NHS: variants seen among roughly 807,000 people sequenced by gnomAD.
NHS encodes actin remodeling regulator NHS.
Under a neutral mutation model 72.5 loss-of-function variants are expected in NHS, and 5 were observed. The ratio of observed to expected loss-of-function variants is 0.07; its 90% CI spans 0.04 to 0.14. The LOEUF (loss-of-function observed/expected upper bound fraction) is 0.14. NHS is among the 10% of genes least tolerant of loss of function. The pLI is 1.00. For missense variants in NHS, 1,072 were observed against 1,355.7 expected (o/e 0.79, Z 3.29); for synonymous variants, 464 against 547.7 (o/e 0.85, Z 2.13).
intron 1 of NHS, among the ~76,000 whole-genome samples, chrX:17,483,210 G>T (rs1199668671): frequency 2.7e-5 from 3 of 112,107 alleles, no homozygotes; most frequent in Admixed American, 1.9e-4. Flanking sequence ...ACATAGGATT[G>T]CAAAGGAAGC....
intron 1 of NHS, among the ~76,000 whole-genome samples, chrX:17,546,872 A>G (rs1470300770): frequency 8.9e-6 from 1 of 112,497 alleles, no homozygotes; most frequent in Non-Finnish European, 1.9e-5. Flanking sequence ...TGGCATGATC[A>G]TTGATTGTTC....
At chrX:17,474,526 G>A (rs2064905945) in intron 1 of NHS, among the ~76,000 whole-genome samples, 1 of 111,785 alleles carries the variant, frequency 8.9e-6, no homozygotes, top group African/African-American at 3.3e-5. Flanking sequence ...AGGAGTGAGG[G>A]AAGCAGGGCT....
intron 1 of NHS, among the ~76,000 whole-genome samples, chrX:17,600,476 T>G (rs1279934790): frequency 1.8e-5 from 2 of 112,193 alleles, no homozygotes; most frequent in African/African-American, 6.5e-5. Context: ...ATACGTTAAT[T>G]TAAGACGACG....
At chrX:17,603,235 A>G (rs147846228) in intron 1 of NHS, among the ~76,000 whole-genome samples, 107 of 112,252 alleles carry the variant, frequency 9.5e-4, no homozygotes, top group African/African-American at 3.2e-3. Context: ...AGCTGCTGTT[A>G]ACATGAGAAA....
intron 1 of NHS, among the ~76,000 whole-genome samples, chrX:17,686,506 C>T (rs1278573782): frequency 8.9e-6 from 1 of 112,157 alleles, no homozygotes; most frequent in East Asian, 2.8e-4. Context: ...AAGGGGTGCT[C>T]AGAAGCCCCT....
At chrX:17,457,818 T>A (rs1208817484) in intron 1 of NHS, among the ~76,000 whole-genome samples, 3 of 111,560 alleles carry the variant, frequency 2.7e-5, no homozygotes, top group Non-Finnish European at 5.6e-5. Context: ...TTATGTTCAT[T>A]GTGGGATCCA....
chrX:17,628,833 T>C (rs2065811193), intron 1 of NHS, among the ~76,000 whole-genome samples: 1 of 113,331 alleles, frequency 8.8e-6, no homozygotes, highest in South Asian at 3.6e-4. Context: ...ATCTATCTTG[T>C]AGAGTTGCTG....
intron 1 of NHS, among the ~76,000 whole-genome samples, chrX:17,504,915 T>G (rs1245869306): frequency 1.8e-5 from 2 of 111,907 alleles, no homozygotes; most frequent in African/African-American, 3.2e-5. Context: ...AATGTGAAAG[T>G]CTTCCTCTCC....
intron 1 of NHS, among the ~76,000 whole-genome samples, chrX:17,540,500 T>A (rs1432722544): frequency 1.8e-5 from 2 of 111,956 alleles, no homozygotes; most frequent in Non-Finnish European, 3.8e-5. Context: ...ATACAGCATG[T>A]GACTTTGTTA....
intron 1 of NHS, among the ~76,000 whole-genome samples, chrX:17,613,342 A>AAAG (rs1174895985): frequency 1.8e-5 from 2 of 111,631 alleles, no homozygotes; most frequent in African/African-American, 3.3e-5. Context: ...CTTTGGTCTT[A>AAAG]AAGGTAGTGT....
chrX:17,434,633 C>T (rs1277282929), intron 1 of NHS, among the ~76,000 whole-genome samples: 5 of 109,657 alleles, frequency 4.6e-5, no homozygotes, highest in South Asian at 8.0e-4. Flanking sequence ...TTAGTAGAGA[C>T]GGGGTTTCAC....
chrX:17,669,880 T>G (rs186753645), intron 1 of NHS, among the ~76,000 whole-genome samples: 93 of 112,482 alleles, frequency 8.3e-4, no homozygotes, highest in African/African-American at 2.9e-3. Flanking sequence ...AAAGGCCTGT[T>G]AGTCCCATAG....
chrX:17,467,222 G>A (rs1429071528), intron 1 of NHS, among the ~76,000 whole-genome samples: 1 of 111,907 alleles, frequency 8.9e-6, no homozygotes, highest in Non-Finnish European at 1.9e-5. Flanking sequence ...TCTTACTGAA[G>A]TTGTCTTTTC....
intron 3 of NHS, among the ~76,000 whole-genome samples, chrX:17,701,499 T>C (rs189176412): frequency 8.8e-4 from 85 of 96,112 alleles, no homozygotes; most frequent in Non-Finnish European, 1.2e-3. Context: ...AGCACAGTTA[T>C]ACACATTGTG....
chrX:17,416,792 A>ATGTGTGTGTG (rs770265000), intron 1 of NHS, among the ~76,000 whole-genome samples: 4 of 95,713 alleles, frequency 4.2e-5, no homozygotes, highest in African/African-American at 1.6e-4. Context: ...ATGTAGGAGT[A>ATGTGTGTGTG]TGTGTGTGTG....
Position 17,724,377 on chromosome X carries a change from T to C in NHS, c.1187T>C (p.Leu396Ser). The change falls in exon 6 of 9, where the codon TTG becomes TCG. Residue 396 changes from leucine to serine, a missense_variant. By Grantham distance (145) the Leu-to-Ser change is moderately radical (BLOSUM62 -2). Coordinates refer to ENST00000676302, the MANE Select transcript of NHS (RefSeq NM_001291867.2). Reference sequence around the variant, plus strand: ...TCGGTACTACAGCGGAGACGAAAATTGAGGAGGAGGAAAACCATCTCGGGT... The same window carrying C: ...TCGGTACTACAGCGGAGACGAAAATCGAGGAGGAGGAAAACCATCTCGGGT... ...SQSVLQRRRKLRRRKTISGIP... is the reference protein window; with the variant it reads ...SQSVLQRRRKSRRRKTISGIP... 2.5e-6 allele frequency: 3 copies of C among 1,211,805 alleles called. No individual in the cohort carries two copies. Among genetic ancestry groups the C allele is most frequent in the Non-Finnish European group, 3.4e-6 (3 of 895,487 alleles).
chrX:17,530,786 T>TC (rs757326863), intron 1 of NHS, among the ~76,000 whole-genome samples: 2 of 111,617 alleles, frequency 1.8e-5, no homozygotes, highest in Non-Finnish European at 3.8e-5. Flanking sequence ...CATCCTTTTT[T>TC]CTTTTTTTTT....
chrX:17,624,040 G>A (rs1219910457), intron 1 of NHS, among the ~76,000 whole-genome samples: 1 of 113,099 alleles, frequency 8.8e-6, no homozygotes, highest in Non-Finnish European at 1.9e-5. Flanking sequence ...AGTTGGCATA[G>A]CATACTAAGG....
chrX:17,722,609 A>C (rs1196516376), intron 5 of NHS, among the ~76,000 whole-genome samples: 1 of 111,365 alleles, frequency 9.0e-6, no homozygotes, highest in Non-Finnish European at 1.9e-5. Flanking sequence ...AGAAAAAAGG[A>C]GTCCTAGTTC....
Sources: allele counts gnomAD v4.1 joint callset (sites outside exome capture counted in the v4.1 genomes callset), GRCh38; gene constraint gnomAD v4.1.1; transcripts MANE v1.5; gene names NCBI Gene and HGNC (gene_info 2026-07-23, HGNC 2026-07-21).